CA10: variants seen among roughly 807,000 people sequenced by gnomAD.
CA10 encodes carbonic anhydrase 10 (inactive).
A neutral mutation model predicts 44.2 loss-of-function variants in CA10; 14 were observed. The ratio of observed to expected loss-of-function variants is 0.32; its 90% CI spans 0.21 to 0.50. CA10 has a LOEUF of 0.50. CA10 is among the 20% of genes least tolerant of loss of function. The pLI is 0.99. For missense variants in CA10, 350 were observed against 409.7 expected, an observed-to-expected ratio of 0.85 and a Z score of 1.26; for synonymous variants, 159 against 141.6, an observed-to-expected ratio of 1.12 and a Z score of -0.87.
chr17:51,886,411 A>T (rs1319307495), intron 3 of CA10, among the ~76,000 whole-genome samples: 1 of 152,198 alleles, frequency 6.6e-6, no homozygotes, highest in Non-Finnish European at 1.5e-5. Context: ...GCTTTTAAAA[A>T]ACCTAATTCC....
intron 3 of CA10, among the ~76,000 whole-genome samples, chr17:51,779,177 A>G (rs1905944228): frequency 6.6e-6 from 1 of 152,076 alleles, no homozygotes; most frequent in Non-Finnish European, 1.5e-5. Flanking sequence ...CAAAAATGGG[A>G]GAAAGGTAAG....
intron 3 of CA10, among the ~76,000 whole-genome samples, chr17:51,820,420 C>A (rs1339275029): frequency 4.6e-4 from 36 of 78,388 alleles, no homozygotes; most frequent in African/African-American, 5.6e-4. Context: ...CCCCCCCCCG[C>A]CCGCCGATTT....
intron 2 of CA10, among the ~76,000 whole-genome samples, chr17:52,067,710 A>AC (rs1203798654): frequency 6.6e-6 from 1 of 152,184 alleles, no homozygotes; most frequent in East Asian, 1.9e-4. Flanking sequence ...AGAGCTACCC[A>AC]CCTCTTGCAT....
intron 3 of CA10, among the ~76,000 whole-genome samples, chr17:51,823,405 C>T (rs940631261): frequency 4.6e-5 from 7 of 152,286 alleles, no homozygotes; most frequent in East Asian, 3.9e-4. Flanking sequence ...CGTGGTTGGA[C>T]GCTGCTTTGG....
intron 4 of CA10, among the ~76,000 whole-genome samples, chr17:51,737,385 C>T (rs191716353): frequency 1.3e-5 from 2 of 152,144 alleles, no homozygotes; most frequent in Admixed American, 6.5e-5. Context: ...GCTAATGTAT[C>T]TTATCTTCAG....
intron 3 of CA10, among the ~76,000 whole-genome samples, chr17:51,831,734 A>AGCAGCAGCAGCAGCAGCAGC (rs1555604086): frequency 2.1e-5 from 3 of 145,776 alleles, no homozygotes; most frequent in East Asian, 2.1e-4. Context: ...CAGCAGCAGA[A>AGCAGCAGCAGCAGCAGCAGC]AAAGACCTTC....
intron 1 of CA10, among the ~76,000 whole-genome samples, chr17:52,097,212 T>G (rs1451854271): frequency 6.6e-6 from 1 of 152,006 alleles, no homozygotes. Context: ...TTATAACAAT[T>G]TAAAACACAT....
chr17:51,917,578 G>C (rs1567884539), intron 3 of CA10, among the ~76,000 whole-genome samples: 1 of 152,166 alleles, frequency 6.6e-6, no homozygotes. Flanking sequence ...GGAAGCCTCG[G>C]GGAGTTTTTA....
intron 8 of CA10, among the ~76,000 whole-genome samples, chr17:51,632,807 A>G (rs1462894372): frequency 6.6e-6 from 1 of 152,180 alleles, no homozygotes; most frequent in Admixed American, 6.5e-5. Context: ...GTTTAGTAGT[A>G]AGCAGAAGGG....
At chr17:52,146,708 A>G (rs534952239) in intron 1 of CA10, among the ~76,000 whole-genome samples, 1 of 94,188 alleles carries the variant, frequency 1.1e-5, no homozygotes, top group South Asian at 3.9e-4. Context: ...ATATAAAAAA[A>G]TAAAAATAAA....
intron 3 of CA10, among the ~76,000 whole-genome samples, chr17:51,757,831 CAG>C (rs764840271): frequency 3.3e-5 from 5 of 151,856 alleles, no homozygotes; most frequent in Non-Finnish European, 5.9e-5. Context: ...AGCATGGTGG[CAG>C]AGGGTGTGGA....
At chr17:52,078,382 T>C (rs765826884) in intron 1 of CA10, among the ~76,000 whole-genome samples, 8 of 152,116 alleles carry the variant, frequency 5.3e-5, no homozygotes, top group Non-Finnish European at 1.0e-4. Flanking sequence ...AGCACATACA[T>C]TGCAAAAATA....
At chr17:51,898,897 G>A (rs1011316466) in intron 3 of CA10, among the ~76,000 whole-genome samples, 1 of 151,600 alleles carries the variant, frequency 6.6e-6, no homozygotes, top group African/African-American at 2.4e-5. Flanking sequence ...CAGTGGTAAC[G>A]TCCCCTTTGC....
intron 4 of CA10, among the ~76,000 whole-genome samples, chr17:51,659,900 T>C (rs2143307014): frequency 2.0e-5 from 3 of 152,256 alleles, no homozygotes; most frequent in Middle Eastern, 3.4e-3. Flanking sequence ...TGGGTAAACA[T>C]CTCAAGGGCA....
chr17:52,049,284 G>T (rs1986994874), intron 2 of CA10, among the ~76,000 whole-genome samples: 1 of 152,062 alleles, frequency 6.6e-6, no homozygotes, highest in Non-Finnish European at 1.5e-5. Context: ...GGACTGCCTG[G>T]GTTTGAGTCC....
intron 3 of CA10, among the ~76,000 whole-genome samples, chr17:51,918,399 G>A (rs1175620007): frequency 6.6e-6 from 1 of 152,190 alleles, no homozygotes; most frequent in Admixed American, 6.5e-5. Flanking sequence ...ATTCTTGATA[G>A]GAAGGTGGCA....
intron 2 of CA10, among the ~76,000 whole-genome samples, chr17:52,020,230 T>C (rs1433795727): frequency 2.6e-5 from 4 of 152,022 alleles, no homozygotes; most frequent in Admixed American, 2.6e-4. Context: ...TATTTTCAGA[T>C]ATTTTTGGCA....
rs551805586 is a variant in CA10 at position 51,796,197 on chromosome 17, A to T, written c.280-48379T>A. 5.3e-5 allele frequency among the ~76,000 whole-genome samples: 8 copies of T among 152,188 alleles called. No homozygotes were observed. In the South Asian group the frequency reaches 6.2e-4, roughly 12 times the overall value. On this transcript the variant is annotated intron_variant, in intron 3 of 8. Transcript: ENST00000451037. ...ATGTTACCGATGGAAAGCATTGTACAGAGTCTGTGTTCCAATCCTGTTCTT... is the reference window on the plus strand; with the variant it reads ...ATGTTACCGATGGAAAGCATTGTACTGAGTCTGTGTTCCAATCCTGTTCTT...
intron 3 of CA10, among the ~76,000 whole-genome samples, chr17:51,833,615 T>C (rs1290888250): frequency 6.6e-6 from 1 of 152,216 alleles, no homozygotes; most frequent in Non-Finnish European, 1.5e-5. Flanking sequence ...CATTATCTTA[T>C]CATTTTGAAA....
Sources: gnomAD v4.1 joint callset for allele counts (sites outside exome capture counted in the v4.1 genomes callset) on GRCh38, gnomAD v4.1.1 for gene constraint, MANE v1.5 for transcripts, NCBI Gene and HGNC (gene_info 2026-07-23, HGNC 2026-07-21) for gene names.